LPP: variants seen among roughly 807,000 people sequenced by gnomAD.
LPP encodes the protein LIM domain containing preferred translocation partner in lipoma, also known as lipoma-preferred partner.
In LPP, 38 loss-of-function variants were observed where a neutral mutation model predicts 60.4. That is an observed-to-expected ratio of 0.63 (90% CI 0.49 to 0.83). The LOEUF is 0.83. LPP is among the 40% of genes least tolerant of loss of function. LPP has a pLI of 0.00. For missense variants in LPP, 902 were observed against 783.6 expected (o/e 1.15, Z -1.80); for synonymous variants, 328 against 290.8 (o/e 1.13, Z -1.30).
At chr3:188,861,645 A>G (rs1300509597) in intron 9 of LPP, among the ~76,000 whole-genome samples, 1 of 152,090 alleles carries the variant, frequency 6.6e-6, no homozygotes, top group Non-Finnish European at 1.5e-5. Flanking sequence ...ATGATTCTTC[A>G]GCTCTTCTGC....
chr3:188,733,702 G>A (rs1159450527), intron 8 of LPP, among the ~76,000 whole-genome samples: 3 of 152,198 alleles, frequency 2.0e-5, no homozygotes. Context: ...ACCAAATTCA[G>A]TTGTTAACAA....
rs536211705 is a variant in LPP, at chr3:188,865,433, C to A, written c.1411-767C>A. Among the ~76,000 whole-genome samples the A allele has an allele frequency of 4.6e-5, 7 of 152,228 alleles. No homozygotes were observed. In the South Asian group the frequency reaches 1.2e-3, roughly 27 times the overall value. ...AATCAAAGCTTTAAATGATCAGAAG[C>A]CTAATTGATTATGCTGAGTTCTGAT... On this transcript the variant is annotated intron_variant, in intron 9 of 11. Coordinates refer to ENST00000617246, the MANE Select transcript of LPP (RefSeq NM_001375462.1).
At chr3:188,299,401 G>A (rs1748991559) in intron 2 of LPP, among the ~76,000 whole-genome samples, 1 of 152,140 alleles carries the variant, frequency 6.6e-6, no homozygotes, top group Non-Finnish European at 1.5e-5. Flanking sequence ...TTGCTTCTTC[G>A]ATGCTGACTA....
At chr3:188,250,995 T>TC (rs1160068990) in intron 2 of LPP, among the ~76,000 whole-genome samples, 25 of 19,096 alleles carry the variant, frequency 1.3e-3, no homozygotes, top group African/African-American at 4.9e-3. Context: ...TCCCCTGCCC[T>TC]CCCCCCCTGC....
chr3:188,782,592 T>C lies in LPP; in HGVS notation c.1410+22310T>C, dbSNP rs547458005. The stretch of plus-strand genomic sequence containing the variant: ...TGACTATAGAGATTTACCCTGAAGA[T>C]ACCTGTCATGTCATGCCTTCTCTGT... On this transcript the variant is annotated intron_variant, in intron 9 of 11. Transcript: ENST00000617246. Among the ~76,000 whole-genome samples, 5 of 152,194 alleles carry C rather than the reference T, an allele frequency of 3.3e-5. 1 individual carries two copies. Among genetic ancestry groups the C allele is most frequent in the Non-Finnish European group, 1.5e-5 (1 of 68,022 alleles).
intron 5 of LPP, among the ~76,000 whole-genome samples, chr3:188,497,288 G>C (rs1013477544): frequency 6.6e-6 from 1 of 152,158 alleles, no homozygotes; most frequent in African/African-American, 2.4e-5. Flanking sequence ...GTGTCTAGCC[G>C]TAGAGGTGGT....
intron 4 of LPP, among the ~76,000 whole-genome samples, chr3:188,417,929 TCTTA>T (rs897676287): frequency 3.9e-5 from 6 of 152,224 alleles, no homozygotes; most frequent in Non-Finnish European, 8.8e-5. Flanking sequence ...TGTTTTGCTC[TCTTA>T]CTTGTTCACA....
At chr3:188,486,451 C>A (rs1368487008) in intron 5 of LPP, among the ~76,000 whole-genome samples, 1 of 151,868 alleles carries the variant, frequency 6.6e-6, no homozygotes, top group Non-Finnish European at 1.5e-5. Context: ...AGTGGGGAAA[C>A]AGGGAGGGGG....
intron 2 of LPP, among the ~76,000 whole-genome samples, chr3:188,294,869 C>G (rs1259674300): frequency 6.6e-6 from 1 of 152,208 alleles, no homozygotes; most frequent in East Asian, 1.9e-4. Flanking sequence ...GGAACAAGCT[C>G]CCGCTTAGGA....
intron 7 of LPP, among the ~76,000 whole-genome samples, chr3:188,659,058 T>C (rs1231397375): frequency 6.6e-6 from 1 of 152,224 alleles, no homozygotes; most frequent in East Asian, 1.9e-4. Flanking sequence ...ATCTCAACTT[T>C]ATGTTTCCAA....
intron 6 of LPP, among the ~76,000 whole-genome samples, chr3:188,583,801 A>G (rs1836811110): frequency 6.6e-6 from 1 of 152,202 alleles, no homozygotes; most frequent in Admixed American, 6.5e-5. Context: ...GTATCATAAA[A>G]TAGAATTTTC....
chr3:188,171,496 T>A (rs1721575627), intron 1 of LPP, among the ~76,000 whole-genome samples: 1 of 152,232 alleles, frequency 6.6e-6, no homozygotes, highest in Non-Finnish European at 1.5e-5. Flanking sequence ...CTATGGATGC[T>A]GTCCACTCTG....
chr3:188,550,971 G>C (rs370784686), intron 6 of LPP, among the ~76,000 whole-genome samples: 3 of 152,074 alleles, frequency 2.0e-5, no homozygotes, highest in African/African-American at 7.2e-5. Flanking sequence ...GAAGGAGTTT[G>C]GTTCATAAGA....
At chr3:188,663,198 G>A (rs550745555) in intron 7 of LPP, among the ~76,000 whole-genome samples, 4 of 152,228 alleles carry the variant, frequency 2.6e-5, no homozygotes, top group East Asian at 1.9e-4. Flanking sequence ...TAACCTGCAC[G>A]TGTGTTGATG....
intron 6 of LPP, among the ~76,000 whole-genome samples, chr3:188,536,694 T>C (rs202233625): frequency 6.6e-6 from 1 of 151,636 alleles, no homozygotes; most frequent in South Asian, 2.1e-4. Context: ...ATATAAGATT[T>C]AAGTGGGTTA....
chr3:188,209,093 G>A (rs1403886786), intron 1 of LPP, among the ~76,000 whole-genome samples: 1 of 152,154 alleles, frequency 6.6e-6, no homozygotes, highest in African/African-American at 2.4e-5. Flanking sequence ...AATAAAGTTA[G>A]CCAGAGTTAA....
Position 188,877,495 on chromosome 3 carries a change from C to A in LPP, c.*3016C>A, listed in dbSNP as rs1031015754. The A allele has an allele frequency of 5.4e-6, 1 of 186,814 alleles. No individual in the cohort carries two copies. Among genetic ancestry groups the A allele is most frequent in the African/African-American group, 2.3e-5 (1 of 42,636 alleles). 11.6% of individuals were successfully genotyped at this position (186,814 alleles called of 1,614,324 possible). A position where few individuals can be genotyped will look rare whatever the true frequency, so the allele number is the denominator to read the frequency against. ...AATAGGATTTCTTAAATTTTTCAAC[C>A]CCCAGACCATACTGACTCAACATGG... On this transcript the variant is annotated 3_prime_UTR_variant, in exon 12 of 12. Coordinates refer to ENST00000617246, the MANE Select transcript of LPP (RefSeq NM_001375462.1).
At chr3:188,487,552 A>C (rs1806931597) in intron 5 of LPP, among the ~76,000 whole-genome samples, 1 of 152,234 alleles carries the variant, frequency 6.6e-6, no homozygotes, top group African/African-American at 2.4e-5. Flanking sequence ...ATGGAAAAGG[A>C]CAAATCTGGT....
intron 4 of LPP, among the ~76,000 whole-genome samples, chr3:188,429,177 A>T (rs1790272477): frequency 6.6e-6 from 1 of 152,194 alleles, no homozygotes; most frequent in Non-Finnish European, 1.5e-5. Flanking sequence ...TTACATTATT[A>T]TTATTGAATA....
Sources: gnomAD v4.1 joint callset for allele counts (sites outside exome capture counted in the v4.1 genomes callset) on GRCh38, gnomAD v4.1.1 for gene constraint, MANE v1.5 for transcripts, NCBI Gene and HGNC (gene_info 2026-07-23, HGNC 2026-07-21) for gene names.